Variants in GSE1 observed in about 807,000 individuals in gnomAD.
GSE1 encodes Gse1 coiled-coil protein, also known as genetic suppressor element 1.
Under a neutral mutation model 112.6 loss-of-function variants are expected in GSE1, and 32 were observed. That is an observed-to-expected ratio of 0.28 (90% CI 0.21 to 0.38). The LOEUF (loss-of-function observed/expected upper bound fraction) is 0.38. Among genes scored for constraint, GSE1 ranks in the 10% least tolerant of loss-of-function variants. GSE1 has a pLI of 1.00. For missense variants in GSE1, 2,348 were observed against 1,699.2 expected, an observed-to-expected ratio of 1.38 and a Z score of -6.71; for synonymous variants, 1,115 against 735.6, an observed-to-expected ratio of 1.52 and a Z score of -8.35.
chr16:85,524,130 G>A (rs1376872287), intron 2 of GSE1, among the ~76,000 whole-genome samples: 1 of 152,126 alleles, frequency 6.6e-6, no homozygotes, highest in Non-Finnish European at 1.5e-5. Flanking sequence ...GGGGTGCAGG[G>A]GACCTACACG....
At chr16:85,337,343 TC>T (rs1250476280) in intron 1 of GSE1, among the ~76,000 whole-genome samples, 1 of 149,306 alleles carries the variant, frequency 6.7e-6, no homozygotes, top group African/African-American at 2.5e-5. Context: ...TCTCGCTCTG[TC>T]GCCCAGGCTG....
rs1414195327 is a variant in GSE1 at position 85,419,489 on chromosome 16, C to G, written c.2464+61846C>G. 1.3e-5 allele frequency among the ~76,000 whole-genome samples: 2 copies of G among 151,926 alleles called. No individual in the cohort carries two copies. The highest frequency in any genetic ancestry group is 2.9e-5 in the Non-Finnish European group (2 of 67,998). On this transcript the variant is annotated intron_variant, in intron 2 of 2. Transcript: ENST00000637419. This position sits in a 1 kb window ranked among gnomAD's most constrained non-coding sequence, Gnocchi z 6.5. ...GGCGTGGTGGTGCACATCTGTGGTC[C>G]TAGCTACTCGGGAGGCTGAGGTGGG...
At chr16:85,591,586 G>T (rs1352982328) in intron 1 of GSE1, among the ~76,000 whole-genome samples, 3 of 152,208 alleles carry the variant, frequency 2.0e-5, no homozygotes, top group African/African-American at 7.2e-5. Context: ...GCCCCCCGTG[G>T]CAAGACCAGC....
Position 85,655,734 on chromosome 16 carries a change from A to C in GSE1, c.806A>C (p.Asp269Ala), listed in dbSNP as rs1285396617. ...CCGTCTTCTCTGCACAGGATGGACG[A>C]CTCCTACTGCCTGTCTGCCCTGAGG... ...PFPHPAFRMD[D>A]SYCLSALRSP... is the part of the protein sequence containing the mutation. Residue 269 changes from aspartate to alanine, a missense_variant, in exon 6 of 16, where the codon GAC (aspartate) becomes GCC (alanine). Transcript: ENST00000253458. 4 of 1,600,826 alleles carry C rather than the reference A, an allele frequency of 2.5e-6. No homozygotes were observed. Among genetic ancestry groups the C allele is most frequent in the Non-Finnish European group, 3.4e-6 (4 of 1,173,830 alleles).
At chr16:85,533,838 C>T (rs1358919458) in intron 2 of GSE1, among the ~76,000 whole-genome samples, 2 of 152,116 alleles carry the variant, frequency 1.3e-5, no homozygotes, top group African/African-American at 2.4e-5. Flanking sequence ...GCACTTCAGC[C>T]TGGGCAACAG....
At chr16:85,655,059 G>A in intron 5 of GSE1, 68 bp downstream of exon 5, 2 of 1,036,894 alleles carry the variant, frequency 1.9e-6, no homozygotes, top group Non-Finnish European at 2.9e-6. Context: ...GAACCTGGCG[G>A]GGAAGGTGTT....
At chr16:85,386,755 G>C (rs988795671) in intron 2 of GSE1, among the ~76,000 whole-genome samples, 5 of 152,196 alleles carry the variant, frequency 3.3e-5, no homozygotes, top group Non-Finnish European at 5.9e-5. Flanking sequence ...GCTGGAAACA[G>C]CTCCCCCGCC....
chr16:85,563,792 G>C (rs1402176658), intron 1 of GSE1, among the ~76,000 whole-genome samples: 1 of 152,232 alleles, frequency 6.6e-6, no homozygotes, highest in East Asian at 1.9e-4. Flanking sequence ...CAGACGGGCT[G>C]TCCCTCCCTT....
chr16:85,551,199 T>TCACC (rs974777628), upstream of GSE1, among the ~76,000 whole-genome samples: 3 of 152,164 alleles, frequency 2.0e-5, no homozygotes, highest in African/African-American at 7.2e-5. Flanking sequence ...ACAGAGAGCA[T>TCACC]TGCCACCACC....
At chr16:85,337,559 C>A (rs982800473) in intron 1 of GSE1, among the ~76,000 whole-genome samples, 1 of 152,178 alleles carries the variant, frequency 6.6e-6, no homozygotes, top group Non-Finnish European at 1.5e-5. Flanking sequence ...CCCGCCTCGG[C>A]CTCCCAAAGT....
rs2052822720 is a variant in GSE1, at chr16:85,665,997, C to T, written c.2780C>T (p.Ser927Phe). The change falls in exon 13 of 16, where the codon TCT (serine) becomes TTT (phenylalanine). Residue 927 changes from serine (S) to phenylalanine (F), a missense_variant. Ser to Phe is a radical substitution (Grantham distance 155, BLOSUM62 -2). Transcript: ENST00000253458. The stretch of plus-strand genomic sequence containing the variant: ...AAAGAACCAGCCACGCAGCAAGCCT[C>T]TCTGGATGTGGAGAAGCCGGTTGGT... ...SLSEPATQQA[S>F]LDVEKPVGVA... 3 of 1,613,426 alleles carry T rather than the reference C, an allele frequency of 1.9e-6. No individual in the cohort carries two copies. The highest frequency in any genetic ancestry group is 2.7e-5 in the African/African-American group (2 of 74,936).
chr16:85,190,172 C>T (rs889226643), intron 1 of GSE1, among the ~76,000 whole-genome samples: 1 of 152,242 alleles, frequency 6.6e-6, no homozygotes. Flanking sequence ...TTCTCTCTAT[C>T]ACCTGCCCCT....
chr16:85,231,831 C>G (rs1347588621), intron 1 of GSE1, among the ~76,000 whole-genome samples: 1 of 152,222 alleles, frequency 6.6e-6, no homozygotes, highest in Non-Finnish European at 1.5e-5. Context: ...AAAATGATGC[C>G]TGGTTATCTG....
chr16:85,297,433 G>C (rs2045399102), intron 1 of GSE1, among the ~76,000 whole-genome samples: 1 of 150,132 alleles, frequency 6.7e-6, no homozygotes, highest in Non-Finnish European at 1.5e-5. Flanking sequence ...CTTAGTTTTA[G>C]TTTAAGAATT....
chr16:85,494,921 G>C (rs1218631511), intron 2 of GSE1, among the ~76,000 whole-genome samples: 1 of 150,940 alleles, frequency 6.6e-6, no homozygotes, highest in South Asian at 2.1e-4. Flanking sequence ...GCCTCTGCCG[G>C]TGCAGGCTTT....
chr16:85,170,616 A>C (rs1312887536), exon 1 of GSE1: 36 of 985,386 alleles, frequency 3.7e-5, no homozygotes, highest in Non-Finnish European at 4.0e-5. Flanking sequence ...CGGCACCAGC[A>C]GAAGGCCTTT....
chr16:85,511,919 T>G (rs1397275770), intron 2 of GSE1, among the ~76,000 whole-genome samples: 1 of 152,126 alleles, frequency 6.6e-6, no homozygotes, highest in Non-Finnish European at 1.5e-5. Context: ...GCTATTCTGT[T>G]GTTTTAAGCC....
chr16:85,477,728 T>G (rs2050504567), intron 2 of GSE1, among the ~76,000 whole-genome samples: 1 of 151,726 alleles, frequency 6.6e-6, no homozygotes, highest in South Asian at 2.1e-4. Flanking sequence ...GCCCGGCTAA[T>G]TTTTTGTATT....
At chr16:85,286,738 G>A (rs1420255903) in intron 1 of GSE1, among the ~76,000 whole-genome samples, 2 of 151,766 alleles carry the variant, frequency 1.3e-5, no homozygotes, top group African/African-American at 4.8e-5. Context: ...GAAAGATTTG[G>A]GGGCTGTTTG....
Sources: allele counts gnomAD v4.1 joint callset (sites outside exome capture counted in the v4.1 genomes callset), GRCh38; gene constraint gnomAD v4.1.1; non-coding constraint Gnocchi (gnomAD v3.1); transcripts MANE v1.5; gene names NCBI Gene and HGNC (gene_info 2026-07-23, HGNC 2026-07-21).